Variants in PGM5 observed in about 807,000 individuals in gnomAD.
PGM5 encodes the protein phosphoglucomutase-like protein 5.
PGM5 carries 23 observed loss-of-function variants against 59.2 expected under a neutral mutation model. The observed-to-expected ratio is 0.39, with a 90% confidence interval of 0.28 to 0.55. PGM5 has a LOEUF of 0.55. Among genes scored for constraint, PGM5 ranks in the 20% least tolerant of loss-of-function variants. The pLI, the probability that PGM5 is intolerant of heterozygous loss-of-function variation, is 0.66. For missense variants in PGM5, 574 were observed against 748.3 expected, an observed-to-expected ratio of 0.77 and a Z score of 2.72; for synonymous variants, 214 against 286.0, an observed-to-expected ratio of 0.75 and a Z score of 2.54.
chr9:68,500,930 C>T (rs1824563276), intron 10 of PGM5, among the ~76,000 whole-genome samples: 1 of 152,098 alleles, frequency 6.6e-6, no homozygotes, highest in African/African-American at 2.4e-5. Context: ...ACAAGAGTCT[C>T]TCCCTGAGGC....
At chr9:68,365,147 C>A (rs1453445395) in intron 1 of PGM5, among the ~76,000 whole-genome samples, 4 of 144,976 alleles carry the variant, frequency 2.8e-5, no homozygotes, top group Non-Finnish European at 6.1e-5. Context: ...CTAACCCTCT[C>A]AGTTTTAAGG....
In PGM5 at chr9:68,357,631, T is replaced by A. The variant is rs1416796839; in HGVS notation, c.261+243T>A. On this transcript the variant is annotated intron_variant, in intron 1 of 10. Transcript: ENST00000396396. ...CCCCAAAAGCCTTGAGGGGTTTCCG[T>A]CGTTCCTGGAGCCACTCCGGGCGCC... is the stretch of plus-strand genomic sequence containing the variant. 20 of 609,462 alleles carry A rather than the reference T, an allele frequency of 3.3e-5. No homozygotes were observed. The East Asian group carries it at 6.3e-4, about 19-fold the overall frequency. 37.8% of individuals were successfully genotyped at this position (609,462 alleles called of 1,614,324 possible).
chr9:68,385,352 G>T (rs1352110732), intron 3 of PGM5, among the ~76,000 whole-genome samples: 2 of 152,172 alleles, frequency 1.3e-5, no homozygotes, highest in Non-Finnish European at 2.9e-5. Flanking sequence ...TGTTAAGATG[G>T]TATCCTCATT....
At chr9:68,426,793 A>G (rs1823246584) in intron 6 of PGM5, 1 of 152,200 alleles carries the variant, frequency 6.6e-6, no homozygotes, top group Non-Finnish European at 1.5e-5. Flanking sequence ...TCTTGAAGTC[A>G]GCCAGAAAGA....
chr9:68,367,574 A>G (rs1486110885), intron 1 of PGM5, among the ~76,000 whole-genome samples: 5 of 152,204 alleles, frequency 3.3e-5, no homozygotes, highest in African/African-American at 1.2e-4. Context: ...AGGAGGCATA[A>G]TCTTTTTTTG....
intron 10 of PGM5, among the ~76,000 whole-genome samples, chr9:68,508,603 C>A (rs1334403118): frequency 6.6e-6 from 1 of 152,214 alleles, no homozygotes; most frequent in African/African-American, 2.4e-5. Context: ...TTTATATCCA[C>A]AAATCACCAA....
intron 1 of PGM5, among the ~76,000 whole-genome samples, chr9:68,375,131 A>G (rs1821845434): frequency 6.6e-6 from 1 of 152,210 alleles, no homozygotes; most frequent in South Asian, 2.1e-4. Flanking sequence ...TCTTCATGAC[A>G]TGGCGGCTGG....
chr9:68,516,941 G>T (rs951122358), intron 10 of PGM5, among the ~76,000 whole-genome samples: 5 of 151,936 alleles, frequency 3.3e-5, no homozygotes, highest in South Asian at 4.2e-4. Context: ...GCGCGGTCTC[G>T]GCTCACTGCA....
chr9:68,454,681 GC>G, intron 6 of PGM5, among the ~76,000 whole-genome samples: 1 of 152,222 alleles, frequency 6.6e-6, no homozygotes, highest in Non-Finnish European at 1.5e-5. Flanking sequence ...AAGTAACTTG[GC>G]CAAGGTTGCA....
intron 6 of PGM5, among the ~76,000 whole-genome samples, chr9:68,450,082 C>G (rs1262797111): frequency 5.3e-5 from 8 of 151,974 alleles, no homozygotes; most frequent in Non-Finnish European, 8.8e-5. Context: ...AGTGTGAACC[C>G]CTTTTGAGGA....
chr9:68,377,419 TA>T (rs1430495110), intron 1 of PGM5, among the ~76,000 whole-genome samples: 1 of 152,230 alleles, frequency 6.6e-6, no homozygotes, highest in Non-Finnish European at 1.5e-5. Context: ...ACTAGGGTTT[TA>T]AAAAGCTTCG....
In PGM5 at chr9:68,358,375, A is replaced by C. The variant is rs568753452; in HGVS notation, c.261+987A>C. Among the ~76,000 whole-genome samples, 134 of 152,176 alleles carry C rather than the reference A, an allele frequency of 8.8e-4. 1 individual carries two copies. The highest frequency in any genetic ancestry group is 1.7e-3 in the Non-Finnish European group (114 of 67,980). The stretch of plus-strand genomic sequence containing the variant: ...TAGAAGCACCTTTTGGCATAGACCC[A>C]TATCCCAGTTTCCTCTTTCCCAGGT... On this transcript the variant is annotated intron_variant, in intron 1 of 10. Coordinates refer to ENST00000396396, the MANE Select transcript of PGM5 (RefSeq NM_021965.4).
chr9:68,406,686 A>G lies in PGM5; in HGVS notation c.1043+14213A>G, dbSNP rs1267932701. ...TATATATATATATATATGTATATAT[A>G]TATATATATATATATATATATATAT... On this transcript the variant is annotated intron_variant, in intron 6 of 10. Coordinates refer to ENST00000396396, the MANE Select transcript of PGM5 (RefSeq NM_021965.4). 3.0e-4 allele frequency among the ~76,000 whole-genome samples: 14 copies of G among 45,912 alleles called. 3 individuals carry two copies. The highest frequency in any genetic ancestry group is 3.9e-4 in the Non-Finnish European group (9 of 22,850). The allele number at this position is 45,912 out of a possible 152,430, so 30.1% of individuals were successfully genotyped here.
intron 1 of PGM5, chr9:68,357,912 AACACAC>A (rs71500321): frequency 0.069 from 11,144 of 162,654 alleles, 56 homozygotes; most frequent in Non-Finnish European, 0.078. Flanking sequence ...GGTGTCTCAG[AACACAC>A]ACACACACAC....
At chr9:68,461,511 T>A (rs1055432720) in intron 6 of PGM5, among the ~76,000 whole-genome samples, 1 of 152,194 alleles carries the variant, frequency 6.6e-6, no homozygotes, top group Non-Finnish European at 1.5e-5. Context: ...CCTCCAAAAT[T>A]CAGGTGTTGC....
chr9:68,529,805 G>A lies in PGM5; in HGVS notation c.*149G>A. The A allele has an allele frequency of 7.5e-6, 4 of 534,744 alleles. No homozygotes were observed. The highest frequency in any genetic ancestry group is 2.0e-5 in the African/African-American group (1 of 50,360). The allele number at this position is 534,744 out of a possible 1,614,324, so 33.1% of individuals were successfully genotyped here. A position where few individuals can be genotyped will look rare whatever the true frequency, so the allele number is the denominator to read the frequency against. On this transcript the variant is annotated 3_prime_UTR_variant, in exon 11 of 11. Transcript: ENST00000396396. ...GGGGGATAGAGGGTGGGTGGGAAAAGAAAAAAAATCCATTTGGTTTTGGTT... is the reference window on the plus strand; with the variant it reads ...GGGGGATAGAGGGTGGGTGGGAAAAAAAAAAAAATCCATTTGGTTTTGGTT...
intron 7 of PGM5, among the ~76,000 whole-genome samples, chr9:68,468,205 G>A (rs1554685998): frequency 2.0e-5 from 3 of 150,922 alleles, no homozygotes; most frequent in Admixed American, 1.3e-4. Flanking sequence ...AAGAAGACCC[G>A]GTGTCTGTTG....
At chr9:68,465,271 G>A in intron 7 of PGM5, 63 bp downstream of exon 7, 2 of 1,067,714 alleles carry the variant, frequency 1.9e-6, no homozygotes, top group Non-Finnish European at 2.9e-6. Context: ...ATCTCAGTTT[G>A]GAGATCTGTG....
intron 6 of PGM5, among the ~76,000 whole-genome samples, chr9:68,407,282 C>G (rs1385905777): frequency 6.6e-6 from 1 of 152,028 alleles, no homozygotes; most frequent in Admixed American, 6.6e-5. Context: ...CATGCACCAC[C>G]CTACCTGGCT....
Sources: allele counts gnomAD v4.1 joint callset (sites outside exome capture counted in the v4.1 genomes callset), GRCh38; gene constraint gnomAD v4.1.1; transcripts MANE v1.5; gene names NCBI Gene and HGNC (gene_info 2026-07-23, HGNC 2026-07-21).